The following RUNX2 variants were observed in gnomAD, a reference collection of about 807,000 sequenced individuals.
RUNX2 encodes the protein runt-related transcription factor 2.
RUNX2 carries 10 observed loss-of-function variants against 51.7 expected under a neutral mutation model. The observed-to-expected ratio is 0.19, with a 90% CI of 0.12 to 0.33. The LOEUF (loss-of-function observed/expected upper bound fraction) is 0.33, where lower values mean the gene tolerates loss of function less well. Ranked by LOEUF, RUNX2 falls within the 10% of genes least tolerant of loss-of-function variation. The pLI, the probability that RUNX2 is intolerant of heterozygous loss-of-function variation, is 1.00. For missense variants in RUNX2, 562 were observed against 691.3 expected (o/e 0.81, Z 2.10); for synonymous variants, 276 against 273.6 (o/e 1.01, Z -0.09).
At chr6:45,378,975 C>T (rs1359446319) in intron 2 of RUNX2, among the ~76,000 whole-genome samples, 2 of 152,148 alleles carry the variant, frequency 1.3e-5, no homozygotes, top group Non-Finnish European at 2.9e-5. Context: ...AGTATTAACC[C>T]TCACCAAGTC....
At chr6:45,460,061 G>A (rs1414534530) in intron 5 of RUNX2, among the ~76,000 whole-genome samples, 1 of 152,192 alleles carries the variant, frequency 6.6e-6, no homozygotes, top group Admixed American at 6.5e-5. Flanking sequence ...TGCGTGGAAG[G>A]CACAGATCAA....
chr6:45,541,842 G>A (rs1165274378), intron 7 of RUNX2, among the ~76,000 whole-genome samples: 1 of 152,122 alleles, frequency 6.6e-6, no homozygotes, highest in Non-Finnish European at 1.5e-5. Flanking sequence ...CTGTTATTTT[G>A]GTCAAATTCC....
chr6:45,393,551 T>A (rs529549233), intron 2 of RUNX2, among the ~76,000 whole-genome samples: 9 of 152,130 alleles, frequency 5.9e-5, no homozygotes, highest in African/African-American at 1.9e-4. Context: ...TGCCTCAGCC[T>A]CCCGAATAGC....
chr6:45,499,792 C>T (rs1298080522), intron 6 of RUNX2, among the ~76,000 whole-genome samples: 2 of 152,110 alleles, frequency 1.3e-5, no homozygotes, highest in African/African-American at 2.4e-5. Flanking sequence ...TCCTTCTTCC[C>T]CCAAAACAGT....
chr6:45,476,884 G>C (rs555919565), intron 5 of RUNX2, among the ~76,000 whole-genome samples: 11 of 152,224 alleles, frequency 7.2e-5, no homozygotes, highest in Non-Finnish European at 1.5e-4. Flanking sequence ...GGATGTACAG[G>C]AAGCATTTAG....
At position 45,444,854 on chromosome 6, in the gene RUNX2, G is replaced by C. The variant is rs193231939; in HGVS notation, c.685+6803G>C. 1.5e-3 allele frequency among the ~76,000 whole-genome samples: 224 copies of C among 152,254 alleles called. 4 individuals carry two copies. Among genetic ancestry groups the C allele is most frequent in the Non-Finnish European group, 1.2e-4 (8 of 68,028 alleles). ...TGGGACTGCTTTCCAGCCTGGTGAAGGGTGGAGAGAATGGAGGGGTTGACA... is the reference window on the plus strand; with the variant it reads ...TGGGACTGCTTTCCAGCCTGGTGAACGGTGGAGAGAATGGAGGGGTTGACA... On this transcript the variant is annotated intron_variant, in intron 5 of 8. Transcript: ENST00000647337.
rs1319054621 is a variant in RUNX2, at chr6:45,330,485, C to A, written c.58+1701C>A. Among the ~76,000 whole-genome samples the A allele has an allele frequency of 1.3e-5, 2 of 151,854 alleles. 1 individual carries two copies. Among genetic ancestry groups the A allele is most frequent in the South Asian group, 4.1e-4 (2 of 4,832 alleles). The stretch of plus-strand genomic sequence containing the variant: ...TCTTTCACGTTATCACTCTGTTTAA[C>A]TATTTATTTTAAACACATTTTAAAA... On this transcript the variant is annotated intron_variant, in intron 2 of 8. Coordinates refer to ENST00000647337, the MANE Select transcript of RUNX2 (RefSeq NM_001024630.4).
intron 2 of RUNX2, among the ~76,000 whole-genome samples, chr6:45,381,799 G>A (rs541201457): frequency 6.6e-6 from 1 of 152,176 alleles, no homozygotes; most frequent in Admixed American, 6.5e-5. Flanking sequence ...ACTGCAGGGG[G>A]TTGGGGTGCC....
intron 5 of RUNX2, among the ~76,000 whole-genome samples, chr6:45,464,297 A>G (rs886253144): frequency 6.6e-6 from 1 of 152,224 alleles, no homozygotes; most frequent in African/African-American, 2.4e-5. Context: ...CCTTATGTGC[A>G]AGGTCCCAGC....
intron 7 of RUNX2, among the ~76,000 whole-genome samples, chr6:45,532,162 A>ATTTTTTTTTTTT (rs3055521): frequency 1.2e-5 from 1 of 85,120 alleles, no homozygotes; most frequent in Non-Finnish European, 2.2e-5. Flanking sequence ...GAAAACCTAG[A>ATTTTTTTTTTTT]TTTTTTTTTT....
At chr6:45,401,574 G>T (rs545295515) in intron 2 of RUNX2, among the ~76,000 whole-genome samples, 1 of 152,172 alleles carries the variant, frequency 6.6e-6, no homozygotes, top group Admixed American at 6.5e-5. Flanking sequence ...TAAACAATGC[G>T]TACCTCACAG....
intron 2 of RUNX2, among the ~76,000 whole-genome samples, chr6:45,343,013 T>C (rs1421793323): frequency 1.3e-5 from 2 of 152,140 alleles, no homozygotes; most frequent in Non-Finnish European, 2.9e-5. Flanking sequence ...TGTCTCAATT[T>C]CCTCATCTGT....
At chr6:45,399,822 G>C (rs1262064223) in intron 2 of RUNX2, among the ~76,000 whole-genome samples, 1 of 138,122 alleles carries the variant, frequency 7.2e-6, no homozygotes, top group Non-Finnish European at 1.5e-5. Context: ...AGGGAAGTAA[G>C]GAAGGAAGGA....
intron 2 of RUNX2, among the ~76,000 whole-genome samples, chr6:45,330,160 G>A (rs997918863): frequency 5.9e-5 from 9 of 151,790 alleles, no homozygotes; most frequent in African/African-American, 2.2e-4. Context: ...CTCAATAGCT[G>A]TAAGTGGGCC....
At chr6:45,379,221 T>C (rs1168931153) in intron 2 of RUNX2, among the ~76,000 whole-genome samples, 1 of 152,232 alleles carries the variant, frequency 6.6e-6, no homozygotes, top group Non-Finnish European at 1.5e-5. Context: ...ATGTGAGAGC[T>C]CAGCTTGATG....
Position 45,547,357 on chromosome 6 carries a change from CAA to C in RUNX2, c.*53_*54del. The C allele has an allele frequency of 1.5e-6, 2 of 1,301,010 alleles. No individual in the cohort carries two copies. The highest frequency in any genetic ancestry group is 2.2e-6 in the Non-Finnish European group (2 of 896,858). 80.6% of individuals were successfully genotyped at this position (1,301,010 alleles called of 1,614,324 possible). On this transcript the variant is annotated 3_prime_UTR_variant, in exon 9 of 9. Coordinates refer to ENST00000647337, the MANE Select transcript of RUNX2 (RefSeq NM_001024630.4). ...TCTGGGGGCCACATCCCACACGTAT[CAA>C]TATATACATATATAGAGAGAGTGCA...
At chr6:45,342,872 G>A (rs1189881372) in intron 2 of RUNX2, among the ~76,000 whole-genome samples, 2 of 152,068 alleles carry the variant, frequency 1.3e-5, no homozygotes, top group Non-Finnish European at 2.9e-5. Flanking sequence ...TTTGTAAATC[G>A]AAAAAGTATT....
chr6:45,491,675 TC>T (rs1421223184), intron 5 of RUNX2, among the ~76,000 whole-genome samples: 1 of 147,470 alleles, frequency 6.8e-6, no homozygotes, highest in Non-Finnish European at 1.5e-5. Flanking sequence ...GTGTCTAGTA[TC>T]CTGCCTCTCT....
intron 2 of RUNX2, among the ~76,000 whole-genome samples, chr6:45,407,737 C>A (rs563882403): frequency 4.0e-5 from 6 of 151,880 alleles, no homozygotes; most frequent in Non-Finnish European, 2.9e-5. Flanking sequence ...TGGCCTCAAG[C>A]GATTCTCCTG....
Sources: gnomAD v4.1 joint callset for allele counts (sites outside exome capture counted in the v4.1 genomes callset) on GRCh38, gnomAD v4.1.1 for gene constraint, MANE v1.5 for transcripts, NCBI Gene and HGNC (gene_info 2026-07-23, HGNC 2026-07-21) for gene names.